PARD3B: variants seen among roughly 807,000 people sequenced by gnomAD.
PARD3B encodes partitioning defective 3 homolog B.
In PARD3B, 103 loss-of-function variants were observed where a neutral mutation model predicts 130.2. The ratio of observed to expected loss-of-function variants is 0.79; its 90% CI spans 0.67 to 0.93. The LOEUF is 0.93. PARD3B is among the 40% of genes least tolerant of loss of function. The probability of loss-of-function intolerance (pLI) is 0.00; values close to 1 mark genes in which losing one functional copy is unlikely to be tolerated. For missense variants in PARD3B, 1,609 were observed against 1,499.2 expected, an observed-to-expected ratio of 1.07 and a Z score of -1.21; for synonymous variants, 583 against 553.2, an observed-to-expected ratio of 1.05 and a Z score of -0.76.
At chr2:205,178,099 A>G (rs2125766378) in intron 13 of PARD3B, among the ~76,000 whole-genome samples, 1 of 132,588 alleles carries the variant, frequency 7.5e-6, no homozygotes, top group East Asian at 2.5e-4. Flanking sequence ...TAAGGTCGGA[A>G]GTTCGAGACC....
intron 18 of PARD3B, among the ~76,000 whole-genome samples, chr2:205,344,490 A>G (rs572704329): frequency 1.8e-4 from 27 of 152,228 alleles, no homozygotes; most frequent in African/African-American, 5.8e-4. Context: ...AACTTATGAC[A>G]TCAACTCCTT....
chr2:205,521,289 TTTC>T (rs1481363972), intron 21 of PARD3B, among the ~76,000 whole-genome samples: 2 of 152,058 alleles, frequency 1.3e-5, no homozygotes, highest in South Asian at 2.1e-4. Context: ...GCCATGTATA[TTTC>T]TTCTTTTTAT....
intron 18 of PARD3B, among the ~76,000 whole-genome samples, chr2:205,332,495 AAG>A (rs1273581904): frequency 6.6e-6 from 1 of 152,196 alleles, no homozygotes. Context: ...GGAGAGAGGA[AAG>A]AGAAACAGAG....
chr2:205,598,002 CA>C lies in PARD3B; in HGVS notation c.3261-17449del, dbSNP rs572903644. Reference sequence around the variant, plus strand: ...AACAAAAGAATGATGCCTGCCACCACAAAAACACACTTAAGTACGTGGCCCA... The same window carrying C: ...AACAAAAGAATGATGCCTGCCACCACAAAACACACTTAAGTACGTGGCCCA... On this transcript the variant is annotated intron_variant, in intron 22 of 22. Coordinates refer to ENST00000406610, the MANE Select transcript of PARD3B (RefSeq NM_001302769.2). Among the ~76,000 whole-genome samples, 107 of 152,258 alleles carry C rather than the reference CA, an allele frequency of 7.0e-4. 1 individual carries two copies. Among genetic ancestry groups the C allele is most frequent in the Middle Eastern group, 6.8e-3 (2 of 294 alleles).
chr2:204,896,337 C>G (rs1013251711), intron 2 of PARD3B, among the ~76,000 whole-genome samples: 4 of 152,098 alleles, frequency 2.6e-5, no homozygotes, highest in Admixed American at 2.6e-4. Context: ...TGTCATGCTT[C>G]TGTTTCTGGG....
chr2:205,353,262 G>A lies in PARD3B; in HGVS notation c.2631-47751G>A, dbSNP rs551245407. ...CTGTTTATTACTACTTATCCAGAAA[G>A]CCTTTCTTAAACATATCCCCAGACC... On this transcript the variant is annotated intron_variant, in intron 18 of 22. Transcript: ENST00000406610. 1.3e-4 allele frequency among the ~76,000 whole-genome samples: 20 copies of A among 152,300 alleles called. No individual in the cohort carries two copies. In the South Asian group the frequency reaches 2.1e-3, roughly 16 times the overall value.
intron 18 of PARD3B, among the ~76,000 whole-genome samples, chr2:205,360,575 T>C (rs1392241499): frequency 6.6e-6 from 1 of 152,254 alleles, no homozygotes; most frequent in Non-Finnish European, 1.5e-5. Flanking sequence ...TATTTTTTCT[T>C]AATACAGTGA....
intron 22 of PARD3B, among the ~76,000 whole-genome samples, chr2:205,581,603 G>A (rs2053993121): frequency 6.7e-6 from 1 of 150,054 alleles, no homozygotes; most frequent in Non-Finnish European, 1.5e-5. Flanking sequence ...CTAAAACAGT[G>A]GAATCGGAAT....
rs73055002 is a variant in PARD3B at position 205,055,907 on chromosome 2, G to A, written c.504+8217G>A. Among the ~76,000 whole-genome samples, 743 of 152,186 alleles carry A rather than the reference G, an allele frequency of 4.9e-3. 8 individuals are homozygous for A. Among genetic ancestry groups the A allele is most frequent in the African/African-American group, 0.017 (710 of 41,536 alleles). On this transcript the variant is annotated intron_variant, in intron 4 of 22. Transcript: ENST00000406610. Reference sequence around the variant, plus strand: ...CAGCAGCGTAAATGCCTACATATGCGTATGTGTGTACCCTTACCCTCTTTG... The same window carrying A: ...CAGCAGCGTAAATGCCTACATATGCATATGTGTGTACCCTTACCCTCTTTG...
intron 10 of PARD3B, among the ~76,000 whole-genome samples, chr2:205,137,693 G>A (rs796807943): frequency 2.6e-5 from 4 of 152,160 alleles, no homozygotes; most frequent in East Asian, 1.9e-4. Flanking sequence ...TCTACTGGGC[G>A]GGAAGGCCCA....
intron 2 of PARD3B, among the ~76,000 whole-genome samples, chr2:204,781,443 A>G (rs1272580304): frequency 6.6e-6 from 1 of 152,154 alleles, no homozygotes; most frequent in Non-Finnish European, 1.5e-5. Flanking sequence ...TATACTGCAT[A>G]AGCTTAATTC....
intron 2 of PARD3B, among the ~76,000 whole-genome samples, chr2:204,772,929 G>T (rs1246121974): frequency 6.6e-6 from 1 of 151,928 alleles, no homozygotes; most frequent in Non-Finnish European, 1.5e-5. Context: ...CCAAGCCCCA[G>T]CTCCTATTCT....
intron 13 of PARD3B, among the ~76,000 whole-genome samples, chr2:205,182,223 C>T (rs62172729): frequency 0.16 from 24,786 of 151,402 alleles, 2,777 homozygotes; most frequent in East Asian, 0.38. Context: ...ACCCGGGAGG[C>T]GGAGTTTGCA....
chr2:204,717,975 A>G (rs1446652276), intron 2 of PARD3B, among the ~76,000 whole-genome samples: 3 of 152,048 alleles, frequency 2.0e-5, no homozygotes, highest in African/African-American at 2.4e-5. Flanking sequence ...CATATATTAC[A>G]TGTCTTTTAA....
intron 1 of PARD3B, among the ~76,000 whole-genome samples, chr2:204,654,146 G>A (rs1285093136): frequency 6.6e-6 from 1 of 151,122 alleles, no homozygotes; most frequent in Non-Finnish European, 1.5e-5. Context: ...TAGAGTCTTA[G>A]AAAGGTGAGC....
chr2:205,113,098 CG>C (rs1703756925), intron 5 of PARD3B, among the ~76,000 whole-genome samples: 1 of 152,102 alleles, frequency 6.6e-6, no homozygotes, highest in Admixed American at 6.6e-5. Context: ...GCTGAAGCAT[CG>C]ATGTGCTTTC....
intron 22 of PARD3B, among the ~76,000 whole-genome samples, chr2:205,595,525 C>T (rs779148022): frequency 1.3e-5 from 2 of 152,066 alleles, no homozygotes; most frequent in Non-Finnish European, 1.5e-5. Flanking sequence ...GCTGCAGCTT[C>T]GTGACTGATT....
At chr2:204,840,478 C>A (rs754129025) in intron 2 of PARD3B, among the ~76,000 whole-genome samples, 1 of 151,508 alleles carries the variant, frequency 6.6e-6, no homozygotes, top group African/African-American at 2.4e-5. Context: ...CACTTTAATA[C>A]GAATACATGA....
intron 2 of PARD3B, among the ~76,000 whole-genome samples, chr2:204,808,882 T>A (rs1318814309): frequency 6.6e-6 from 1 of 152,070 alleles, no homozygotes; most frequent in East Asian, 1.9e-4. Context: ...GGCAGTTGTG[T>A]TTTTAGATTT....
Sources: gnomAD v4.1 joint callset for allele counts (sites outside exome capture counted in the v4.1 genomes callset) on GRCh38, gnomAD v4.1.1 for gene constraint, MANE v1.5 for transcripts, NCBI Gene and HGNC (gene_info 2026-07-23, HGNC 2026-07-21) for gene names.